The following KANK1 variants were observed in gnomAD, a reference collection of about 807,000 sequenced individuals.
The protein encoded by KANK1 is KN motif and ankyrin repeat domains 1.
A neutral mutation model predicts 106.2 loss-of-function variants in KANK1; 109 were observed. The ratio of observed to expected loss-of-function variants is 1.03; its 90% confidence interval spans 0.88 to 1.20. KANK1 has a LOEUF of 1.20. Ranked by LOEUF, KANK1 falls within the 50% of genes most tolerant of loss-of-function variation. The pLI, the probability that KANK1 is intolerant of heterozygous loss-of-function variation, is 0.00. For missense variants in KANK1, 2,399 were observed against 1,710.7 expected (o/e 1.40, Z -7.10); for synonymous variants, 873 against 652.2 (o/e 1.34, Z -5.16).
chr9:507,874 C>T (rs1001605642), intron 1 of KANK1, among the ~76,000 whole-genome samples: 9 of 151,766 alleles, frequency 5.9e-5, no homozygotes, highest in Non-Finnish European at 1.2e-4. Flanking sequence ...TTAGTAGAGA[C>T]GGGGTTTCAC....
intron 1 of KANK1, among the ~76,000 whole-genome samples, chr9:635,694 CTTTTT>C (rs1162836319): frequency 1.9e-5 from 2 of 103,372 alleles, no homozygotes; most frequent in African/African-American, 7.7e-5. Context: ...CCTTTTTATT[CTTTTT>C]TTTTTTTTTT....
At chr9:516,959 G>T (rs2059304648) in intron 1 of KANK1, among the ~76,000 whole-genome samples, 1 of 148,840 alleles carries the variant, frequency 6.7e-6, no homozygotes. Flanking sequence ...GCCCTGCCAG[G>T]TGTGCATCTG....
rs1171134818 is a variant in KANK1 at position 553,986 on chromosome 9, CCTT to C, written c.-84+49235_-84+49237del. 3.3e-5 allele frequency among the ~76,000 whole-genome samples: 5 copies of C among 152,300 alleles called. 1 individual carries two copies. The highest frequency in any genetic ancestry group is 1.5e-5 in the Non-Finnish European group (1 of 68,026). On this transcript the variant is annotated intron_variant, in intron 1 of 11. Coordinates refer to ENST00000382297, the MANE Select transcript of KANK1 (RefSeq NM_015158.5). ...CAGATAGCTGGGCTCCAACCCCAGA[CCTT>C]CTGATTCAGGAGTTCTGGGACTGGC...
At chr9:496,852 G>C (rs774898928) in intron 3 of KANK1, among the ~76,000 whole-genome samples, 2 of 152,122 alleles carry the variant, frequency 1.3e-5, no homozygotes, top group Non-Finnish European at 1.5e-5. Context: ...GCAGGGACAG[G>C]TTTGTACACA....
chr9:509,222 C>A (rs1157859916), intron 1 of KANK1, among the ~76,000 whole-genome samples: 5 of 152,116 alleles, frequency 3.3e-5, no homozygotes, highest in Non-Finnish European at 7.3e-5. Flanking sequence ...CTCAGCCTCC[C>A]GATTAGCTGG....
rs142300089 is a variant in KANK1 at position 678,549 on chromosome 9, C to G, written c.37+1540C>G. ...TTCAAGACCAGCCTGGCCAACATGA[C>G]GAAACCCCATCTCTACAAAAATACA... On this transcript the variant is annotated intron_variant, in intron 2 of 11. Coordinates refer to ENST00000382297, the MANE Select transcript of KANK1 (RefSeq NM_015158.5). Among the ~76,000 whole-genome samples, 790 of 151,962 alleles carry G rather than the reference C, an allele frequency of 5.2e-3. 3 individuals carry two copies. The highest frequency in any genetic ancestry group is 0.018 in the African/African-American group (744 of 41,438).
At chr9:576,258 A>G (rs1238874874) in intron 1 of KANK1, among the ~76,000 whole-genome samples, 1 of 152,184 alleles carries the variant, frequency 6.6e-6, no homozygotes, top group Non-Finnish European at 1.5e-5. Context: ...TTATAATTTT[A>G]TGAGTTTAAA....
chr9:726,835 C>T (rs1264690117), intron 3 of KANK1, among the ~76,000 whole-genome samples: 1 of 152,072 alleles, frequency 6.6e-6, no homozygotes, highest in African/African-American at 2.4e-5. Flanking sequence ...TGGCAGGTGC[C>T]CATAATCCCA....
Position 713,210 on chromosome 9 carries a change from C to T in KANK1, c.2444C>T (p.Ala815Val), listed in dbSNP as rs774646753. Residue 815 changes from alanine (A) to valine (V), a missense_variant, in exon 3 of 12, where the codon GCT becomes GTT. By Grantham distance (64) the Ala-to-Val change is moderately conservative (BLOSUM62 0). Transcript: ENST00000382297. ...GESLENPQPQAPLGMMTGLDH... is the reference protein window; with the variant it reads ...GESLENPQPQVPLGMMTGLDH... The stretch of plus-strand genomic sequence containing the variant: ...TCTCTGGAGAACCCCCAGCCTCAAG[C>T]TCCACTTGGAATGATGACTGGCCTG... 1 of 1,591,232 alleles carries T rather than the reference C, an allele frequency of 6.3e-7. No homozygotes were observed. The highest frequency in any genetic ancestry group is 1.2e-5 in the South Asian group (1 of 86,212).
intron 1 of KANK1, among the ~76,000 whole-genome samples, chr9:511,342 A>T (rs12342353): frequency 0.13 from 19,830 of 152,170 alleles, 2,166 homozygotes; most frequent in African/African-American, 0.3. Flanking sequence ...TCTTCCTGTG[A>T]CTTGTGACTG....
At chr9:718,385 T>C (rs1004724729) in intron 3 of KANK1, among the ~76,000 whole-genome samples, 3 of 148,040 alleles carry the variant, frequency 2.0e-5, no homozygotes, top group African/African-American at 7.4e-5. Context: ...TGATCACAGC[T>C]TGCTGTAGCC....
intron 3 of KANK1, among the ~76,000 whole-genome samples, chr9:493,910 T>G (rs1287569084): frequency 1.3e-5 from 2 of 149,232 alleles, no homozygotes; most frequent in South Asian, 4.2e-4. Context: ...TGAGATGGAG[T>G]CTTGCTTTGT....
chr9:638,914 C>G (rs1256896468), intron 1 of KANK1, among the ~76,000 whole-genome samples: 1 of 152,136 alleles, frequency 6.6e-6, no homozygotes, highest in African/African-American at 2.4e-5. Context: ...TAGTTCATTC[C>G]TTTTTCCTAT....
At chr9:576,681 G>C (rs1345148282) in intron 1 of KANK1, among the ~76,000 whole-genome samples, 1 of 152,138 alleles carries the variant, frequency 6.6e-6, no homozygotes, top group Non-Finnish European at 1.5e-5. Context: ...GATACAGAAA[G>C]CTTCATCTTG....
Position 730,215 on chromosome 9 carries a change from C to G in KANK1, c.2863C>G (p.Leu955Val). The G allele has an allele frequency of 2.5e-6, 4 of 1,614,220 alleles. No individual in the cohort carries two copies. The highest frequency in any genetic ancestry group is 2.5e-6 in the Non-Finnish European group (3 of 1,180,046). Residue 955 changes from leucine (L) to valine (V), a missense_variant, in exon 4 of 12, where the codon CTG (leucine) becomes GTG (valine). Leu to Val is a conservative substitution (Grantham distance 32). Transcript: ENST00000382297. ...GGAAGGTACGCTGTCTCCAGTGAAC[C>G]TGACAGACGACCAGATCGCCGCTGG... is the stretch of plus-strand genomic sequence containing the variant. ...TQEGTLSPVN[L>V]TDDQIAAGLY... is the part of the protein sequence containing the mutation.
At chr9:684,347 C>G in intron 2 of KANK1, 1 of 985,322 alleles carries the variant, frequency 1.0e-6, no homozygotes, top group Non-Finnish European at 1.2e-6. Flanking sequence ...GGCAAAGAAA[C>G]CCTTTGGTTG....
chr9:528,637 G>A lies in KANK1; in HGVS notation c.-84+23883G>A, dbSNP rs942618615. Among the ~76,000 whole-genome samples the A allele has an allele frequency of 5.3e-5, 8 of 151,626 alleles. No homozygotes were observed. The East Asian group carries it at 9.7e-4, about 18-fold the overall frequency. On this transcript the variant is annotated intron_variant, in intron 1 of 11. Coordinates refer to ENST00000382297, the MANE Select transcript of KANK1 (RefSeq NM_015158.5). ...TCAAGTAGCTGCGTTACAGGTGCCC[G>A]CCACCATGCCCAGCTAATTTTTGTA...
At chr9:494,891 AG>A (rs2058434902) in intron 3 of KANK1, among the ~76,000 whole-genome samples, 2 of 152,000 alleles carry the variant, frequency 1.3e-5, no homozygotes, top group African/African-American at 2.4e-5. Context: ...CAGCTCTCTT[AG>A]ATACATAAAA....
At chr9:570,821 G>A (rs1818962625) in intron 1 of KANK1, among the ~76,000 whole-genome samples, 1 of 152,130 alleles carries the variant, frequency 6.6e-6, no homozygotes, top group African/African-American at 2.4e-5. Context: ...AGTTTTTCAT[G>A]AGACTTTCTA....
Sources: allele counts gnomAD v4.1 joint callset (sites outside exome capture counted in the v4.1 genomes callset), GRCh38; gene constraint gnomAD v4.1.1; transcripts MANE v1.5; gene names NCBI Gene and HGNC (gene_info 2026-07-23, HGNC 2026-07-21).